TRIM36: variants seen among roughly 807,000 people sequenced by gnomAD.
TRIM36 encodes E3 ubiquitin-protein ligase TRIM36.
Under a neutral mutation model 72.4 loss-of-function variants are expected in TRIM36, and 42 were observed. The observed-to-expected ratio is 0.58, with a 90% CI of 0.45 to 0.75. The LOEUF (loss-of-function observed/expected upper bound fraction) is 0.75, where lower values mean the gene tolerates loss of function less well. Ranked by LOEUF, TRIM36 falls within the 30% of genes least tolerant of loss-of-function variation. The probability of loss-of-function intolerance (pLI) is 0.00; values close to 1 mark genes in which losing one functional copy is unlikely to be tolerated. For synonymous variants in TRIM36, 315 were observed against 282.8 expected, an observed-to-expected ratio of 1.11 and a Z score of -1.14; for missense variants, 913 against 857.1, an observed-to-expected ratio of 1.07 and a Z score of -0.81.
intron 5 of TRIM36, among the ~76,000 whole-genome samples, chr5:115,139,712 G>A (rs560566245): frequency 4.6e-4 from 70 of 152,236 alleles, no homozygotes; most frequent in Non-Finnish European, 8.1e-4. Flanking sequence ...AGTAAATGTC[G>A]AGAATGGAGG....
At position 115,147,323 on chromosome 5, in the gene TRIM36, G is replaced by T; in HGVS notation, c.334C>A (p.Leu112Ile). 6.2e-7 allele frequency: 1 copy of T among 1,614,168 alleles called. No individual in the cohort carries two copies. Among genetic ancestry groups the T allele is most frequent in the Non-Finnish European group, 8.5e-7 (1 of 1,180,026 alleles). ...AGACCATTGATTCCTCGTTCTCCAA[G>T]ATCCACATCATGCTCACAGCCAGGG... ...PCPGCEHDVD[L>I]GERGINGLFR... The change falls in exon 3 of 10, where the codon CTT becomes ATT. Residue 112 changes from leucine to isoleucine, a missense_variant. Leu to Ile is a conservative substitution (Grantham distance 5, BLOSUM62 2). Coordinates refer to ENST00000513154, the MANE Select transcript of TRIM36 (RefSeq NM_001300759.2).
chr5:115,178,219 T>C (rs1389906650), intron 1 of TRIM36, among the ~76,000 whole-genome samples: 2 of 152,212 alleles, frequency 1.3e-5, no homozygotes, highest in African/African-American at 4.8e-5. Flanking sequence ...CTGGCTTACT[T>C]TGAAGAATAT....
At chr5:115,151,799 A>T (rs571595910) in intron 2 of TRIM36, among the ~76,000 whole-genome samples, 1 of 152,094 alleles carries the variant, frequency 6.6e-6, no homozygotes, top group South Asian at 2.1e-4. Flanking sequence ...CTACAACTCG[A>T]CTCCCAGGAA....
chr5:115,141,455 G>A, intron 4 of TRIM36, 81 bp from the exon 5 acceptor site: 3 of 755,252 alleles, frequency 4.0e-6, no homozygotes, highest in South Asian at 2.1e-5. Context: ...TAATTACACA[G>A]GACTCATCCT....
intron 7 of TRIM36, among the ~76,000 whole-genome samples, chr5:115,135,655 G>A (rs1422766234): frequency 6.6e-6 from 1 of 152,128 alleles, no homozygotes; most frequent in African/African-American, 2.4e-5. Context: ...GGGATCCACA[G>A]GGAGGGAGGA....
At chr5:115,151,535 G>C (rs1257452049) in intron 2 of TRIM36, among the ~76,000 whole-genome samples, 2 of 152,178 alleles carry the variant, frequency 1.3e-5, no homozygotes, top group Admixed American at 6.5e-5. Flanking sequence ...CACAGTTGAT[G>C]CTCTTTGGAA....
intron 1 of TRIM36, among the ~76,000 whole-genome samples, chr5:115,167,632 C>T (rs1754858147): frequency 6.6e-6 from 1 of 152,216 alleles, no homozygotes. Context: ...CTTCTTTGTC[C>T]ATACCACTAG....
Position 115,134,152 on chromosome 5 carries a change from A to G in TRIM36, c.1211-5T>C, listed in dbSNP as rs1241211799. On this transcript the variant is annotated splice_polypyrimidine_tract_variant and splice_region_variant and intron_variant, in intron 7 of 9. Coordinates refer to ENST00000513154, the MANE Select transcript of TRIM36 (RefSeq NM_001300759.2). Reference sequence around the variant, plus strand: ...TGATCTCTGGCACGTCTATGCCTGAAAGAATTATGAAATAGAAAACAACAT... The same window carrying G: ...TGATCTCTGGCACGTCTATGCCTGAGAGAATTATGAAATAGAAAACAACAT... 6.5e-7 allele frequency: 1 copy of G among 1,542,376 alleles called. No homozygotes were observed. The highest frequency in any genetic ancestry group is 8.7e-7 in the Non-Finnish European group (1 of 1,148,290).
intron 1 of TRIM36, among the ~76,000 whole-genome samples, chr5:115,167,065 G>T (rs1360729607): frequency 6.6e-6 from 1 of 152,212 alleles, no homozygotes; most frequent in African/African-American, 2.4e-5. Context: ...GCTGGGTCAA[G>T]TGGGCAGAAC....
chr5:115,149,458 T>A (rs1395291766), intron 2 of TRIM36: 1 of 150,728 alleles, frequency 6.6e-6, no homozygotes, highest in East Asian at 1.9e-4. Flanking sequence ...TTTGGTTTTA[T>A]GAAGATTATG....
chr5:115,138,782 TCACA>T (rs1298610873), intron 5 of TRIM36, among the ~76,000 whole-genome samples: 3 of 152,074 alleles, frequency 2.0e-5, no homozygotes, highest in South Asian at 2.1e-4. Context: ...TATAACAGAC[TCACA>T]GACAGCAGCC....
upstream of TRIM36, among the ~76,000 whole-genome samples, chr5:115,170,436 T>A (rs533917558): frequency 8.5e-4 from 129 of 152,274 alleles, no homozygotes; most frequent in African/African-American, 2.9e-3. Context: ...CCACCTTCCC[T>A]GAATGGCCGC....
chr5:115,138,504 T>A (rs1160675098), intron 5 of TRIM36, among the ~76,000 whole-genome samples: 1 of 152,214 alleles, frequency 6.6e-6, no homozygotes, highest in Non-Finnish European at 1.5e-5. Flanking sequence ...AAATCCTGAC[T>A]TAGCTGTGTG....
At chr5:115,173,396 CAT>C (rs1331362363), upstream of TRIM36, among the ~76,000 whole-genome samples, 5 of 152,228 alleles carry the variant, frequency 3.3e-5, no homozygotes, top group African/African-American at 1.2e-4. Flanking sequence ...GATGATTTTC[CAT>C]ATGTGTAGCC....
chr5:115,128,728 C>G (rs1358515610), intron 9 of TRIM36, among the ~76,000 whole-genome samples: 2 of 108,546 alleles, frequency 1.8e-5, no homozygotes, highest in African/African-American at 6.8e-5. Context: ...GTCCGCAGTC[C>G]GGCCTGGGCG....
At chr5:115,135,193 C>G (rs1752896692) in intron 7 of TRIM36, among the ~76,000 whole-genome samples, 1 of 152,156 alleles carries the variant, frequency 6.6e-6, no homozygotes, top group Non-Finnish European at 1.5e-5. Flanking sequence ...CTGCTGGAAT[C>G]ATATGCTAAG....
At chr5:115,142,288 G>A (rs769227942) in intron 4 of TRIM36, among the ~76,000 whole-genome samples, 14 of 152,088 alleles carry the variant, frequency 9.2e-5, no homozygotes, top group Non-Finnish European at 1.9e-4. Flanking sequence ...TCAGCACCAA[G>A]CTGAAAGTAA....
At chr5:115,170,964 A>T, upstream of TRIM36, 1 of 1,334,980 alleles carries the variant, frequency 7.5e-7, no homozygotes. Context: ...CACGGAGAAC[A>T]AATTAATTTA....
At chr5:115,178,275 C>T (rs1755436416) in intron 1 of TRIM36, among the ~76,000 whole-genome samples, 1 of 152,182 alleles carries the variant, frequency 6.6e-6, no homozygotes, top group Admixed American at 6.5e-5. Flanking sequence ...TCCTATTCTC[C>T]ATCCTATCAA....
Sources: gnomAD v4.1 joint callset for allele counts (sites outside exome capture counted in the v4.1 genomes callset) on GRCh38, gnomAD v4.1.1 for gene constraint, MANE v1.5 for transcripts, NCBI Gene and HGNC (gene_info 2026-07-23, HGNC 2026-07-21) for gene names.